The following AFG2A variants were observed in gnomAD, a reference collection of about 807,000 sequenced individuals.
AFG2A encodes the protein ATPase family gene 2 protein homolog A.
chr4:122,979,538 G>A, the AFG2A span: 1 of 905,228 alleles, frequency 1.1e-6, no homozygotes, highest in African/African-American at 1.7e-5. Context: ...ATTCAGTGCA[G>A]TTATACGAAG....
the AFG2A span, among the ~76,000 whole-genome samples, chr4:123,251,219 GA>G: frequency 6.6e-6 from 1 of 152,052 alleles, no homozygotes; most frequent in African/African-American, 2.4e-5. Context: ...AAATAGCCTA[GA>G]ATTTATTATT....
chr4:123,199,163 C>G, the AFG2A span, among the ~76,000 whole-genome samples: 3 of 152,008 alleles, frequency 2.0e-5, no homozygotes, highest in African/African-American at 4.8e-5. Flanking sequence ...CTGTGAGTTC[C>G]TGATATTCTG....
chr4:123,258,697 T>C, the AFG2A span, among the ~76,000 whole-genome samples: 1 of 152,052 alleles, frequency 6.6e-6, no homozygotes, highest in Non-Finnish European at 1.5e-5. Flanking sequence ...AAGTGTATAC[T>C]ATTAGCTATA....
chr4:123,125,932 C>T, the AFG2A span, among the ~76,000 whole-genome samples: 43 of 152,116 alleles, frequency 2.8e-4, no homozygotes, highest in African/African-American at 9.9e-4. Flanking sequence ...TGCCTTCAGT[C>T]TCTTTCTCCA....
At chr4:123,115,258 C>T in the AFG2A span, among the ~76,000 whole-genome samples, 4 of 152,036 alleles carry the variant, frequency 2.6e-5, no homozygotes, top group Admixed American at 6.5e-5. Context: ...ACCTCTGGGG[C>T]AGATCGCGGG....
the AFG2A span, among the ~76,000 whole-genome samples, chr4:123,064,267 A>G: frequency 1.3e-5 from 2 of 152,204 alleles, no homozygotes; most frequent in African/African-American, 4.8e-5. Flanking sequence ...TAAGGGTAAC[A>G]TAGCTCTTTG....
the AFG2A span, chr4:123,315,661 G>A: frequency 1.3e-5 from 2 of 152,184 alleles, no homozygotes; most frequent in Non-Finnish European, 2.9e-5. Context: ...GCAATGGGAA[G>A]AATGTGCACT....
At chr4:122,933,458 A>G in the AFG2A span, 1 of 1,612,448 alleles carries the variant, frequency 6.2e-7, no homozygotes, top group Non-Finnish European at 8.5e-7. Context: ...TATGGAAATT[A>G]ATGAAGAAGA....
At chr4:123,150,939 G>C in the AFG2A span, among the ~76,000 whole-genome samples, 2 of 152,128 alleles carry the variant, frequency 1.3e-5, no homozygotes, top group Non-Finnish European at 2.9e-5. Context: ...CAATGAAACA[G>C]AACAGAGGCC....
At chr4:123,199,866 T>A in the AFG2A span, among the ~76,000 whole-genome samples, 118 of 152,232 alleles carry the variant, frequency 7.8e-4, no homozygotes, top group Non-Finnish European at 1.3e-3. Flanking sequence ...TGTATAAAAA[T>A]ATCTGCTTTC....
At chr4:123,308,858 G>A in the AFG2A span, among the ~76,000 whole-genome samples, 24 of 152,190 alleles carry the variant, frequency 1.6e-4, no homozygotes, top group Non-Finnish European at 3.1e-4. Context: ...CAGAGCACAA[G>A]TAAGTGCTTT....
chr4:123,127,866 G>C, the AFG2A span, among the ~76,000 whole-genome samples: 1 of 152,064 alleles, frequency 6.6e-6, no homozygotes, highest in East Asian at 1.9e-4. Context: ...TCTTTGGCTG[G>C]CTGCAAACAA....
At chr4:123,163,172 A>T in the AFG2A span, among the ~76,000 whole-genome samples, 2 of 152,214 alleles carry the variant, frequency 1.3e-5, no homozygotes, top group Non-Finnish European at 2.9e-5. Flanking sequence ...GCAGTGGCTC[A>T]CGCCTTTAAT....
At chr4:123,039,156 T>C in the AFG2A span, among the ~76,000 whole-genome samples, 1 of 152,140 alleles carries the variant, frequency 6.6e-6, no homozygotes, top group Non-Finnish European at 1.5e-5. Flanking sequence ...CTAATCTCTT[T>C]CCTTCAGTTA....
the AFG2A span, among the ~76,000 whole-genome samples, chr4:123,197,565 C>T: frequency 1.3e-5 from 2 of 151,852 alleles, no homozygotes; most frequent in Non-Finnish European, 2.9e-5. Flanking sequence ...GTCAGGAGTT[C>T]GAGACCAGCC....
the AFG2A span, among the ~76,000 whole-genome samples, chr4:123,238,066 G>A: frequency 6.6e-6 from 1 of 152,236 alleles, no homozygotes; most frequent in Non-Finnish European, 1.5e-5. Flanking sequence ...ACGGAGCCTT[G>A]CTTGCTGCTA....
At chr4:123,165,865 GA>G in the AFG2A span, among the ~76,000 whole-genome samples, 11 of 152,094 alleles carry the variant, frequency 7.2e-5, no homozygotes, top group African/African-American at 2.7e-4. Context: ...ACATTGGGGG[GA>G]AAATCAAATT....
chr4:122,980,736 T>G, the AFG2A span, among the ~76,000 whole-genome samples: 1 of 152,204 alleles, frequency 6.6e-6, no homozygotes, highest in Non-Finnish European at 1.5e-5. Context: ...TGTATTACCC[T>G]GATGATTAGT....
At chr4:123,003,108 G>T in the AFG2A span, among the ~76,000 whole-genome samples, 1 of 152,100 alleles carries the variant, frequency 6.6e-6, no homozygotes, top group African/African-American at 2.4e-5. Context: ...GGCTCCTGAG[G>T]CTTCTGCATT....
Sources: allele counts gnomAD v4.1 joint callset (sites outside exome capture counted in the v4.1 genomes callset), GRCh38; gene constraint gnomAD v4.1.1; transcripts MANE v1.5; gene names NCBI Gene and HGNC (gene_info 2026-07-23, HGNC 2026-07-21).